Variants in PRICKLE4 observed in about 807,000 individuals in gnomAD.
PRICKLE4 encodes prickle planar cell polarity protein 4.
PRICKLE4 carries 40 observed loss-of-function variants against 43.5 expected under a neutral mutation model. That is an observed-to-expected ratio of 0.92 (90% CI 0.71 to 1.20). PRICKLE4 has a LOEUF of 1.20. Among genes scored for constraint, PRICKLE4 ranks in the 50% most tolerant of loss-of-function variants. The probability of loss-of-function intolerance (pLI) is 0.00; values close to 1 mark genes in which losing one functional copy is unlikely to be tolerated. For synonymous variants in PRICKLE4, 208 were observed against 197.4 expected, an observed-to-expected ratio of 1.05 and a Z score of -0.45; for missense variants, 527 against 491.2, an observed-to-expected ratio of 1.07 and a Z score of -0.69.
rs752467178 is a variant in PRICKLE4, at chr6:41,786,713, TC to T, written c.788-47del. On this transcript the variant is annotated intron_variant, in intron 7 of 7. Coordinates refer to ENST00000458694, the MANE Select transcript of PRICKLE4 (RefSeq NM_013397.6). ...TCACCCCCACTAGCTGCGGTGTAGG[TC>T]CAGCTCCGCGGCTCTGAGACCAGCG... The T allele has an allele frequency of 6.8e-5, 109 of 1,610,852 alleles. No homozygotes were observed. In the East Asian group the frequency reaches 2.4e-3, roughly 35 times the overall value.
rs761476752 is a variant in PRICKLE4 at position 41,786,131 on chromosome 6, ATCT to A, written c.590_592del (p.Phe197del). Reference sequence around the variant, plus strand: ...CCTCTCCCTCTCCCTCTCCCAGCTGATCTTCTCCTGGCGCTGCACCGAGGCGGA... The same window carrying A: ...CCTCTCCCTCTCCCTCTCCCAGCTGATCTCCTGGCGCTGCACCGAGGCGGA... On this transcript the variant is annotated inframe_deletion, in exon 7 of 8. Coordinates refer to ENST00000458694, the MANE Select transcript of PRICKLE4 (RefSeq NM_013397.6). The A allele has an allele frequency of 2.3e-5, 37 of 1,613,076 alleles. No individual in the cohort carries two copies. The highest frequency in any genetic ancestry group is 4.5e-5 in the East Asian group (2 of 44,892).
At chr6:41,786,725 G>T (rs1772662252) in intron 7 of PRICKLE4, 37 bp from the exon 8 acceptor site, 1 of 1,612,092 alleles carries the variant, frequency 6.2e-7, no homozygotes, top group East Asian at 2.2e-5. Context: ...CAGCTCCGCG[G>T]CTCTGAGACC....
At position 41,784,940 on chromosome 6, in the gene PRICKLE4, C is replaced by T. The variant is rs550794832; in HGVS notation, c.246C>T (p.Arg82=). 2 of 1,613,968 alleles carry T rather than the reference C, an allele frequency of 1.2e-6. No individual in the cohort carries two copies. The highest frequency in any genetic ancestry group is 1.7e-5 in the Admixed American group (1 of 59,990). Residue 82 remains arginine (R), a synonymous_variant, in exon 5 of 8, where the codon CGC becomes CGT. Transcript: ENST00000458694. ...GTAGAGGACTGTTTCTGCAGGAGCG[C>T]TACTGCCTGGCCCTTGGGGAGGAGG... is the stretch of plus-strand genomic sequence containing the variant. ...QQLPPQDIDE[R]YCLALGEEER...
In PRICKLE4 at chr6:41,787,382, T is replaced by C; in HGVS notation, c.*253T>C. On this transcript the variant is annotated 3_prime_UTR_variant, in exon 8 of 8. Transcript: ENST00000458694. ...TGCTGAGATAGCCCCTACCCCCACC[T>C]CCACAGGCTGGGACAGCCCCGTCCC... 1.6e-6 allele frequency: 1 copy of C among 623,462 alleles called. No homozygotes were observed. The highest frequency in any genetic ancestry group is 2.7e-6 in the Non-Finnish European group (1 of 371,136). 38.6% of individuals were successfully genotyped at this position (623,462 alleles called of 1,614,324 possible). A position where few individuals can be genotyped will look rare whatever the true frequency, so the allele number is the denominator to read the frequency against.
chr6:41,785,584 G>C, intron 6 of PRICKLE4, 44 bp downstream of exon 6: 3 of 1,575,706 alleles, frequency 1.9e-6, no homozygotes, highest in Non-Finnish European at 8.7e-7. Context: ...CCAGAGTCCA[G>C]AGTGGCAGGA....
intron 6 of PRICKLE4, among the ~76,000 whole-genome samples, chr6:41,785,785 C>T (rs939636514): frequency 6.6e-6 from 1 of 152,168 alleles, no homozygotes; most frequent in Non-Finnish European, 1.5e-5. Flanking sequence ...TCGAATTTCT[C>T]TAGAGCAGGG....
rs540142859 is a variant in PRICKLE4 at position 41,785,134 on chromosome 6, G to C, written c.378+62G>C. ...TATTCTTTGCCCTCTCATTTCTGCA[G>C]AAGGGGCTGGGCTAGCTTCTGGGAT... On this transcript the variant is annotated intron_variant, in intron 5 of 7. Transcript: ENST00000458694. 7 of 1,597,480 alleles carry C rather than the reference G, an allele frequency of 4.4e-6. No homozygotes were observed. In the African/African-American group the frequency reaches 5.4e-5, roughly 12 times the overall value.
chr6:41,783,837 ACT>A lies in PRICKLE4; in HGVS notation c.132+235_132+236del, dbSNP rs773570402. ...TAGGGGGTCTGTATTGTCAAACCAG[ACT>A]CTAGGGGCTTTGGCCCCAAGGCGTG... On this transcript the variant is annotated intron_variant, in intron 3 of 7. Transcript: ENST00000458694. 5.3e-5 allele frequency: 41 copies of A among 767,710 alleles called. 1 individual carries two copies. The South Asian group carries it at 6.1e-4, about 11-fold the overall frequency. 47.6% of individuals were successfully genotyped at this position (767,710 alleles called of 1,614,324 possible).
chr6:41,783,772 T>C, intron 3 of PRICKLE4, 167 bp downstream of exon 3: 1 of 1,002,934 alleles, frequency 1.0e-6, no homozygotes, highest in Non-Finnish European at 1.5e-6. Flanking sequence ...CATGGGGTTT[T>C]GACTTTAAAC....
Position 41,786,109 on chromosome 6 carries a change from C to T in PRICKLE4, c.583-19C>T, listed in dbSNP as rs1367772049. ...GAATGAATGAATGAAACGTTCCCCT[C>T]TCCCTCTCCCTCTCCCAGCTGATCT... is the stretch of plus-strand genomic sequence containing the variant. On this transcript the variant is annotated intron_variant, in intron 6 of 7. Coordinates refer to ENST00000458694, the MANE Select transcript of PRICKLE4 (RefSeq NM_013397.6). 2 of 1,605,428 alleles carry T rather than the reference C, an allele frequency of 1.2e-6. No homozygotes were observed. Among genetic ancestry groups the T allele is most frequent in the African/African-American group, 1.3e-5 (1 of 74,588 alleles).
At chr6:41,781,140 G>C (rs1179817727) in intron 1 of PRICKLE4, 1 of 152,854 alleles carries the variant, frequency 6.5e-6, no homozygotes, top group Admixed American at 6.5e-5. Flanking sequence ...GGCTCTGCAC[G>C]GAGGCAAGAC....
intron 4 of PRICKLE4, 54 bp from the exon 5 acceptor site, chr6:41,784,881 C>G: frequency 6.2e-7 from 1 of 1,606,848 alleles, no homozygotes; most frequent in Non-Finnish European, 8.5e-7. Context: ...CCAACCAATG[C>G]TCAATGTTTT....
At chr6:41,785,236 A>AG (rs1170948283) in intron 5 of PRICKLE4, 101 bp from the exon 6 acceptor site, 4 of 1,505,898 alleles carry the variant, frequency 2.7e-6, no homozygotes, top group Non-Finnish European at 3.6e-6. Flanking sequence ...TGGGCTTGCT[A>AG]GGGTATGGCG....
rs1328148961 is a variant in PRICKLE4, at chr6:41,786,276, G to A, written c.731G>A (p.Arg244His). The A allele has an allele frequency of 6.3e-7, 1 of 1,596,310 alleles. No homozygotes were observed. Among genetic ancestry groups the A allele is most frequent in the Admixed American group, 1.7e-5 (1 of 59,128 alleles). Residue 244 changes from arginine (R) to histidine (H), a missense_variant, in exon 7 of 8, where the codon CGC becomes CAC. By Grantham distance (29) the Arg-to-His change is conservative. Coordinates refer to ENST00000458694, the MANE Select transcript of PRICKLE4 (RefSeq NM_013397.6). ...SPCCPSCFEN[R>H]YSDAGSSWAG... is the part of the protein sequence containing the mutation. ...TGCTGCCCCAGCTGCTTCGAGAACC[G>A]CTACTCGGATGCAGGCTCGAGCTGG...
intron 3 of PRICKLE4, 184 bp from the exon 4 acceptor site, chr6:41,783,947 A>C (rs1772596404): frequency 1.5e-6 from 1 of 674,474 alleles, no homozygotes; most frequent in African/African-American, 1.8e-5. Flanking sequence ...GGAAGACCAC[A>C]CATGCAGGCA....
rs371546779 is a variant in PRICKLE4 at position 41,785,408 on chromosome 6, C to G, written c.450C>G (p.His150Gln). ...AARAGEQRCWHQPCFACQACG... is the reference protein window; with the variant it reads ...AARAGEQRCWQQPCFACQACG... ...GGGCAGGGGAACAGCGCTGCTGGCA[C>G]CAGCCTTGCTTTGCCTGCCAGGCCT... The change falls in exon 6 of 8, where the codon CAC (histidine) becomes CAG (glutamine). Residue 150 changes from histidine (H) to glutamine (Q), a missense_variant. His to Gln is a conservative substitution (Grantham distance 24). Coordinates refer to ENST00000458694, the MANE Select transcript of PRICKLE4 (RefSeq NM_013397.6). 1.9e-6 allele frequency: 3 copies of G among 1,614,162 alleles called. No individual in the cohort carries two copies. The highest frequency in any genetic ancestry group is 2.5e-6 in the Non-Finnish European group (3 of 1,180,042).
At chr6:41,783,413 A>G in intron 2 of PRICKLE4, 49 bp from the exon 3 acceptor site, 1 of 1,432,716 alleles carries the variant, frequency 7.0e-7, no homozygotes, top group East Asian at 2.3e-5. Context: ...ACTTCCTAGC[A>G]CATTGTAACG....
chr6:41,783,763 A>G, intron 3 of PRICKLE4, 158 bp downstream of exon 3: 1 of 1,064,744 alleles, frequency 9.4e-7, no homozygotes, highest in South Asian at 1.3e-5. Flanking sequence ...TGCTTAGAAC[A>G]TGGGGTTTTG....
intron 5 of PRICKLE4, 101 bp from the exon 6 acceptor site, chr6:41,785,236 A>C: frequency 6.6e-7 from 1 of 1,506,016 alleles, no homozygotes; most frequent in Non-Finnish European, 9.1e-7. Flanking sequence ...TGGGCTTGCT[A>C]GGGTATGGCG....
Sources: gnomAD v4.1 joint callset for allele counts (sites outside exome capture counted in the v4.1 genomes callset) on GRCh38, gnomAD v4.1.1 for gene constraint, MANE v1.5 for transcripts, NCBI Gene and HGNC (gene_info 2026-07-23, HGNC 2026-07-21) for gene names.